CHN2: variants seen among roughly 807,000 people sequenced by gnomAD.
The protein encoded by CHN2 is chimerin 2, also known as beta-chimaerin.
In CHN2, 35 loss-of-function variants were observed where a neutral mutation model predicts 56.3. That is an observed-to-expected ratio of 0.62 (90% CI 0.47 to 0.82). The LOEUF is 0.82. CHN2 is among the 40% of genes least tolerant of loss of function. The pLI, the probability that CHN2 is intolerant of heterozygous loss-of-function variation, is 0.00. For missense variants in CHN2, 491 were observed against 580.5 expected, an observed-to-expected ratio of 0.85 and a Z score of 1.58; for synonymous variants, 210 against 212.8, an observed-to-expected ratio of 0.99 and a Z score of 0.12.
intron 3 of CHN2, among the ~76,000 whole-genome samples, chr7:29,379,350 A>G (rs1039788951): frequency 2.0e-5 from 3 of 152,220 alleles, no homozygotes; most frequent in Admixed American, 2.0e-4. Context: ...ATTTGGTAGC[A>G]ACATCTGAAC....
chr7:29,285,164 C>T (rs1263297203), intron 1 of CHN2, among the ~76,000 whole-genome samples: 2 of 152,158 alleles, frequency 1.3e-5, no homozygotes, highest in Non-Finnish European at 2.9e-5. Flanking sequence ...CTTTACATTT[C>T]CCTCTACAAC....
chr7:29,444,483 A>G (rs1465866094), intron 6 of CHN2, among the ~76,000 whole-genome samples: 1 of 152,168 alleles, frequency 6.6e-6, no homozygotes, highest in Non-Finnish European at 1.5e-5. Context: ...TGTAGCTGAA[A>G]TGGCTGGAGG....
chr7:29,153,953 A>C (rs1460599841), intron 2 of CHN2, among the ~76,000 whole-genome samples: 3 of 152,180 alleles, frequency 2.0e-5, no homozygotes, highest in Non-Finnish European at 4.4e-5. Context: ...TATAAAATAC[A>C]AAATATATTA....
At chr7:29,222,486 A>G (rs897825920) in intron 1 of CHN2, among the ~76,000 whole-genome samples, 17 of 84,218 alleles carry the variant, frequency 2.0e-4, no homozygotes, top group African/African-American at 7.7e-4. Context: ...AGTAACCAAA[A>G]CAGCACAGAC....
intron 6 of CHN2, among the ~76,000 whole-genome samples, chr7:29,423,065 G>A (rs12700961): frequency 0.2 from 29,971 of 152,154 alleles, 3,563 homozygotes; most frequent in Admixed American, 0.27. Flanking sequence ...CTATCAAAGC[G>A]TTATATAAAT....
intron 1 of CHN2, among the ~76,000 whole-genome samples, chr7:29,309,806 C>G (rs1407147757): frequency 6.6e-6 from 1 of 152,210 alleles, no homozygotes; most frequent in Non-Finnish European, 1.5e-5. Context: ...GCCACGCAGG[C>G]TGGTTGCTGC....
chr7:29,185,771 A>G (rs1434139242), intron 2 of CHN2, among the ~76,000 whole-genome samples: 3 of 152,160 alleles, frequency 2.0e-5, no homozygotes, highest in African/African-American at 2.4e-5. Flanking sequence ...TTATTATTCA[A>G]AATTATTCAC....
At chr7:29,238,015 C>T (rs1208381074) in intron 1 of CHN2, among the ~76,000 whole-genome samples, 4 of 105,962 alleles carry the variant, frequency 3.8e-5, no homozygotes, top group East Asian at 2.8e-4. Flanking sequence ...TATGTATTCT[C>T]TTTTTTTTTT....
chr7:29,251,754 TGTGA>T (rs1466328871), intron 1 of CHN2, among the ~76,000 whole-genome samples: 1 of 152,220 alleles, frequency 6.6e-6, no homozygotes, highest in African/African-American at 2.4e-5. Context: ...ACATGAAAAC[TGTGA>T]GTGTTTACTT....
At chr7:29,508,119 C>A (rs966024507) in intron 11 of CHN2, among the ~76,000 whole-genome samples, 1 of 152,110 alleles carries the variant, frequency 6.6e-6, no homozygotes, top group Non-Finnish European at 1.5e-5. Context: ...TATTATAATC[C>A]CATTTTACAA....
chr7:29,494,783 A>G (rs1789059704), intron 7 of CHN2, among the ~76,000 whole-genome samples: 1 of 151,944 alleles, frequency 6.6e-6, no homozygotes, highest in Non-Finnish European at 1.5e-5. Flanking sequence ...CTTAGAAGAG[A>G]TCCAGATCCA....
At chr7:29,278,486 C>T (rs998634090) in intron 1 of CHN2, among the ~76,000 whole-genome samples, 6 of 151,478 alleles carry the variant, frequency 4.0e-5, no homozygotes, top group Admixed American at 3.9e-4. Context: ...CCAAAATTGG[C>T]CCATGAGCCA....
chr7:29,499,833 CT>C, intron 8 of CHN2, 33 bp from the exon 9 acceptor site: 1 of 1,511,684 alleles, frequency 6.6e-7, no homozygotes, highest in South Asian at 1.3e-5. Flanking sequence ...GACAAAAGGG[CT>C]GGGCTAGGCT....
chr7:29,253,500 A>C (rs1469392530), intron 1 of CHN2, among the ~76,000 whole-genome samples: 1 of 152,238 alleles, frequency 6.6e-6, no homozygotes, highest in Non-Finnish European at 1.5e-5. Context: ...TGCTCTGAAC[A>C]AACTAGGCAT....
At chr7:29,461,318 G>A (rs3793256) in intron 6 of CHN2, among the ~76,000 whole-genome samples, 1,768 of 152,312 alleles carry the variant, frequency 0.012, 52 homozygotes, top group Admixed American at 0.064. Flanking sequence ...GAAAGAGTGG[G>A]AGACCCAGGG....
chr7:29,274,920 G>C (rs532271239), intron 1 of CHN2, among the ~76,000 whole-genome samples: 8 of 152,160 alleles, frequency 5.3e-5, no homozygotes, highest in South Asian at 2.1e-4. Context: ...ATCACCCAGC[G>C]CAGAGGAAAG....
At chr7:29,238,015 C>CTG in intron 1 of CHN2, among the ~76,000 whole-genome samples, 1 of 105,970 alleles carries the variant, frequency 9.4e-6, no homozygotes, top group East Asian at 2.8e-4. Context: ...TATGTATTCT[C>CTG]TTTTTTTTTT....
At chr7:29,268,741 C>T (rs1322791164) in intron 1 of CHN2, among the ~76,000 whole-genome samples, 1 of 152,222 alleles carries the variant, frequency 6.6e-6, no homozygotes, top group East Asian at 1.9e-4. Context: ...GCTCTCTCCC[C>T]AACACCCATC....
intron 6 of CHN2, among the ~76,000 whole-genome samples, chr7:29,435,542 G>T (rs1328758791): frequency 6.6e-6 from 1 of 152,202 alleles, no homozygotes; most frequent in African/African-American, 2.4e-5. Flanking sequence ...GTGCAGCATG[G>T]TACTGTACTG....
Sources: gnomAD v4.1 joint callset for allele counts (sites outside exome capture counted in the v4.1 genomes callset) on GRCh38, gnomAD v4.1.1 for gene constraint, MANE v1.5 for transcripts, NCBI Gene and HGNC (gene_info 2026-07-23, HGNC 2026-07-21) for gene names.